ZBTB37: variants seen among roughly 807,000 people sequenced by gnomAD.
ZBTB37 encodes zinc finger and BTB domain-containing protein 37.
A neutral mutation model predicts 37.7 loss-of-function variants in ZBTB37; 15 were observed. The observed-to-expected ratio is 0.40, with a 90% CI of 0.27 to 0.61. The LOEUF is 0.61. Ranked by LOEUF, ZBTB37 falls within the 20% of genes least tolerant of loss-of-function variation. The pLI is 0.44. For missense variants in ZBTB37, 514 were observed against 641.9 expected, an observed-to-expected ratio of 0.80 and a Z score of 2.15; for synonymous variants, 231 against 220.6, an observed-to-expected ratio of 1.05 and a Z score of -0.42.
downstream of ZBTB37, chr1:173,891,511 C>T (rs988140357): frequency 6.6e-6 from 1 of 152,070 alleles, no homozygotes; most frequent in African/African-American, 2.4e-5. Flanking sequence ...GTCTATAATT[C>T]TTCTAAATAC....
chr1:173,880,987 G>A (rs1373103000), intron 4 of ZBTB37, among the ~76,000 whole-genome samples: 1 of 151,396 alleles, frequency 6.6e-6, no homozygotes, highest in African/African-American at 2.4e-5. Flanking sequence ...TAAGTTCTAG[G>A]GTACATGTGC....
chr1:173,879,828 G>A (rs1656199890), intron 4 of ZBTB37, among the ~76,000 whole-genome samples: 1 of 152,170 alleles, frequency 6.6e-6, no homozygotes, highest in East Asian at 1.9e-4. Flanking sequence ...GTGGGCACCT[G>A]TAATCTCAGC....
At chr1:173,877,160 A>G (rs1322049577) in intron 4 of ZBTB37, among the ~76,000 whole-genome samples, 3 of 152,196 alleles carry the variant, frequency 2.0e-5, no homozygotes, top group Admixed American at 6.5e-5. Context: ...CACTGACCAA[A>G]ATGTTATGTG....
rs1412514458 is a variant in ZBTB37 at position 173,878,894 on chromosome 1, G to A, written c.1023+5328G>A. 2.6e-5 allele frequency among the ~76,000 whole-genome samples: 4 copies of A among 152,050 alleles called. No homozygotes were observed. In the East Asian group the frequency reaches 7.7e-4, roughly 29 times the overall value. On this transcript the variant is annotated intron_variant, in intron 4 of 4. Transcript: ENST00000427304. Reference sequence around the variant, plus strand: ...ACATCAGGAGTGAGGTTCAAGACAAGCCTGGCTAACATGGTGAAACCCCTT... The same window carrying A: ...ACATCAGGAGTGAGGTTCAAGACAAACCTGGCTAACATGGTGAAACCCCTT...
chr1:173,902,542 C>T (rs575015218), exon 4 of ZBTB37: 1 of 152,346 alleles, frequency 6.6e-6, no homozygotes, highest in South Asian at 2.1e-4. Context: ...TCTTGCACCA[C>T]TGAGGGTGCT....
At chr1:173,896,561 A>G (rs1657056469) in exon 4 of ZBTB37, 2 of 152,346 alleles carry the variant, frequency 1.3e-5, no homozygotes, top group South Asian at 4.1e-4. Context: ...ATGTGGTCTT[A>G]AATTGCAAGA....
rs543518788 is a variant in ZBTB37, at chr1:173,873,764, A to T, written c.1023+198A>T. On this transcript the variant is annotated intron_variant, in intron 4 of 4. Coordinates refer to ENST00000427304, the Ensembl canonical transcript of ZBTB37. Reference sequence around the variant, plus strand: ...AGACATCACCAGAAAGGAAAATTGCAGACTGGTATTTCTACCAAGCATAGA... The same window carrying T: ...AGACATCACCAGAAAGGAAAATTGCTGACTGGTATTTCTACCAAGCATAGA... 22 of 826,532 alleles carry T rather than the reference A, an allele frequency of 2.7e-5. 1 individual carries two copies. The South Asian group carries it at 6.8e-4, about 26-fold the overall frequency. 51.2% of individuals were successfully genotyped at this position (826,532 alleles called of 1,614,324 possible).
At chr1:173,900,697 T>G (rs554156261) in exon 4 of ZBTB37, 1 of 152,356 alleles carries the variant, frequency 6.6e-6, no homozygotes, top group Admixed American at 6.5e-5. Context: ...AGGACTGACT[T>G]AGCATCAGTC....
At chr1:173,885,520 C>A in intron 4 of ZBTB37, 116 bp from the exon 5 acceptor site, 1 of 878,804 alleles carries the variant, frequency 1.1e-6, no homozygotes, top group Non-Finnish European at 1.7e-6. Context: ...TCTGTTTGAT[C>A]CGCCACTAAA....
At chr1:173,873,705 A>C in intron 4 of ZBTB37, 139 bp downstream of exon 4, 1 of 1,357,954 alleles carries the variant, frequency 7.4e-7, no homozygotes, top group Non-Finnish European at 9.7e-7. Flanking sequence ...TTTTTCCCTG[A>C]GGGTAGCAGA....
intron 2 of ZBTB37, among the ~76,000 whole-genome samples, chr1:173,869,858 G>GC (rs1655411102): frequency 6.6e-6 from 1 of 152,196 alleles, no homozygotes. Flanking sequence ...TATTCAGTCT[G>GC]CAAGTACCTT....
intron 4 of ZBTB37, among the ~76,000 whole-genome samples, chr1:173,876,955 C>A (rs1211524175): frequency 6.6e-6 from 1 of 152,112 alleles, no homozygotes; most frequent in Non-Finnish European, 1.5e-5. Context: ...TATGATATAT[C>A]CCGTTCCTCC....
exon 4 of ZBTB37, chr1:173,895,355 G>A (rs747567668): frequency 2.6e-5 from 4 of 152,114 alleles, no homozygotes; most frequent in Admixed American, 6.6e-5. Flanking sequence ...CACCTTCCTC[G>A]GCCTCCTGAA....
intron 4 of ZBTB37, among the ~76,000 whole-genome samples, chr1:173,879,006 G>A (rs1656140321): frequency 6.6e-6 from 1 of 150,804 alleles, no homozygotes; most frequent in Non-Finnish European, 1.5e-5. Context: ...CAGGAGAATC[G>A]TTTGAACCCG....
chr1:173,885,567 T>A, intron 4 of ZBTB37, 69 bp from the exon 5 acceptor site: 2 of 1,302,302 alleles, frequency 1.5e-6, no homozygotes, highest in Non-Finnish European at 2.1e-6. Flanking sequence ...AAAAATAGAT[T>A]TGATTGCTTT....
chr1:173,891,748 G>C (rs943913244), exon 4 of ZBTB37: 10 of 152,010 alleles, frequency 6.6e-5, no homozygotes, highest in African/African-American at 2.4e-4. Context: ...GGGCAACATA[G>C]ACCTTATCTC....
At chr1:173,900,029 G>T (rs535165225) in exon 4 of ZBTB37, 1 of 152,172 alleles carries the variant, frequency 6.6e-6, no homozygotes, top group African/African-American at 2.4e-5. Flanking sequence ...CTGAAATGGA[G>T]CACTTGAATA....
At chr1:173,895,894 T>A (rs559607180) in exon 4 of ZBTB37, 4 of 152,324 alleles carry the variant, frequency 2.6e-5, no homozygotes, top group African/African-American at 9.6e-5. Context: ...TCCATATTGA[T>A]GAACCCCAAA....
chr1:173,872,332 CAG>C (rs1655626173), intron 3 of ZBTB37, among the ~76,000 whole-genome samples: 1 of 152,058 alleles, frequency 6.6e-6, no homozygotes. Context: ...CTCAGCCTCC[CAG>C]AGTGCTGGGA....
Sources: allele counts gnomAD v4.1 joint callset (sites outside exome capture counted in the v4.1 genomes callset), GRCh38; gene constraint gnomAD v4.1.1; transcripts MANE v1.5; gene names NCBI Gene and HGNC (gene_info 2026-07-23, HGNC 2026-07-21).